TRHDE: variants seen among roughly 807,000 people sequenced by gnomAD.
TRHDE encodes the protein thyrotropin releasing hormone degrading enzyme, also known as thyrotropin-releasing hormone-degrading ectoenzyme.
A neutral mutation model predicts 125.7 loss-of-function variants in TRHDE; 72 were observed. The observed-to-expected ratio is 0.57, with a 90% CI of 0.47 to 0.70. TRHDE has a LOEUF of 0.70. Among genes scored for constraint, TRHDE ranks in the 30% least tolerant of loss-of-function variants. TRHDE has a pLI of 0.00. For missense variants in TRHDE, 1,110 were observed against 1,327.1 expected (o/e 0.84, Z 2.54); for synonymous variants, 509 against 509.1 (o/e 1.00, Z 0.00).
chr12:72,413,175 G>A lies in TRHDE; in HGVS notation c.1315+35054G>A, dbSNP rs11179191. 7.1e-4 allele frequency among the ~76,000 whole-genome samples: 108 copies of A among 152,086 alleles called. 1 individual carries two copies. The East Asian group carries it at 0.02, about 28-fold the overall frequency. ...CAAAAACAAATCCACATAAGTGTCA[G>A]TGTTACTTTGCTACCCAGGCAATTC... On this transcript the variant is annotated intron_variant, in intron 3 of 18. Coordinates refer to ENST00000261180, the MANE Select transcript of TRHDE (RefSeq NM_013381.3).
rs1878472014 is a variant in TRHDE at position 72,509,001 on chromosome 12, C to T, written c.1722+9366C>T. On this transcript the variant is annotated intron_variant, in intron 6 of 18. Transcript: ENST00000261180. ...CTCCACAGCCATGCTTCCTGTACAGCCTATGGAACTGTGAGCCAATTAAAC... is the reference window on the plus strand; with the variant it reads ...CTCCACAGCCATGCTTCCTGTACAGTCTATGGAACTGTGAGCCAATTAAAC... 2.0e-5 allele frequency among the ~76,000 whole-genome samples: 3 copies of T among 152,078 alleles called. No individual in the cohort carries two copies. The South Asian group carries it at 6.2e-4, about 32-fold the overall frequency.
At chr12:72,627,476 ATGGTATGGGCACT>A (rs1873308777) in intron 15 of TRHDE, among the ~76,000 whole-genome samples, 1 of 151,860 alleles carries the variant, frequency 6.6e-6, no homozygotes, top group Non-Finnish European at 1.5e-5. Context: ...AAAGAAGAAA[ATGGTATGGGCACT>A]TCTGGCATTC....
intron 2 of TRHDE, among the ~76,000 whole-genome samples, chr12:72,173,792 C>A (rs1022228582): frequency 4.6e-5 from 7 of 152,182 alleles, no homozygotes; most frequent in Non-Finnish European, 7.3e-5. Context: ...CGCGCGCACA[C>A]ACACACACAC....
At chr12:72,217,944 G>T (rs1877926782) in intron 2 of TRHDE, among the ~76,000 whole-genome samples, 1 of 151,950 alleles carries the variant, frequency 6.6e-6, no homozygotes, top group African/African-American at 2.4e-5. Flanking sequence ...AAAATTTTTT[G>T]TCTATAACAA....
At chr12:72,373,252 CTT>C (rs750655413) in intron 2 of TRHDE, among the ~76,000 whole-genome samples, 1 of 152,154 alleles carries the variant, frequency 6.6e-6, no homozygotes, top group Non-Finnish European at 1.5e-5. Context: ...TATCCTGAGA[CTT>C]TGCTGAAGTT....
At chr12:72,380,864 T>TTC (rs1872139734) in intron 3 of TRHDE, among the ~76,000 whole-genome samples, 17 of 147,500 alleles carry the variant, frequency 1.2e-4, no homozygotes, top group African/African-American at 4.3e-4. Context: ...TCTCTCTTTC[T>TTC]CTCTCTCTCT....
intron 2 of TRHDE, among the ~76,000 whole-genome samples, chr12:72,304,948 G>A (rs1451574270): frequency 1.3e-5 from 2 of 152,078 alleles, no homozygotes; most frequent in Non-Finnish European, 2.9e-5. Context: ...AGCAGAAATT[G>A]GTCTTAATGT....
At chr12:72,464,447 G>A (rs1876273561) in intron 3 of TRHDE, among the ~76,000 whole-genome samples, 1 of 152,042 alleles carries the variant, frequency 6.6e-6, no homozygotes, top group African/African-American at 2.4e-5. Context: ...TTCTCCGGAG[G>A]GGATGAATGT....
At chr12:72,396,647 G>T (rs1872802302) in intron 3 of TRHDE, among the ~76,000 whole-genome samples, 1 of 152,154 alleles carries the variant, frequency 6.6e-6, no homozygotes, top group Non-Finnish European at 1.5e-5. Flanking sequence ...GGGAGGCTGA[G>T]GTGGGAGAAT....
chr12:72,348,250 T>C lies in TRHDE; in HGVS notation c.1189-29745T>C, dbSNP rs564079829. 9.9e-5 allele frequency among the ~76,000 whole-genome samples: 15 copies of C among 152,092 alleles called. No individual in the cohort carries two copies. The South Asian group carries it at 3.1e-3, about 32-fold the overall frequency. ...TTACTCTCTTAGCAATTTTTAAATA[T>C]GTTTCTGTCAGTCATCTTGGATGTT... On this transcript the variant is annotated intron_variant, in intron 2 of 18. Transcript: ENST00000261180.
At chr12:72,268,301 A>G (rs1425207269), upstream of TRHDE, among the ~76,000 whole-genome samples, 3 of 152,122 alleles carry the variant, frequency 2.0e-5, no homozygotes, top group African/African-American at 7.2e-5. Flanking sequence ...GTGCTTTTAT[A>G]AAATTTACCC....
In TRHDE at chr12:72,615,665, G is replaced by T. The variant is rs1353568736; in HGVS notation, c.2322-3226G>T. ...TACATATGTTGGTATCACAGCAGAA[G>T]GAGGGCAATTTGAGTATAATCTGTT... is the stretch of plus-strand genomic sequence containing the variant. On this transcript the variant is annotated intron_variant, in intron 12 of 18. Coordinates refer to ENST00000261180, the MANE Select transcript of TRHDE (RefSeq NM_013381.3). Among the ~76,000 whole-genome samples, 3 of 152,080 alleles carry T rather than the reference G, an allele frequency of 2.0e-5. No individual in the cohort carries two copies. In the East Asian group the frequency reaches 5.8e-4, roughly 29 times the overall value.
chr12:72,107,080 G>A (rs56118351), intron 2 of TRHDE, among the ~76,000 whole-genome samples: 2,905 of 151,968 alleles, frequency 0.019, 37 homozygotes, highest in Non-Finnish European at 0.028. Context: ...CATATTCTAA[G>A]TTTTATCTAA....
intron 2 of TRHDE, among the ~76,000 whole-genome samples, chr12:72,181,946 A>C (rs1877104024): frequency 6.6e-6 from 1 of 152,236 alleles, no homozygotes; most frequent in Non-Finnish European, 1.5e-5. Context: ...CATGATTTTC[A>C]GAAACACATT....
intron 2 of TRHDE, among the ~76,000 whole-genome samples, chr12:72,185,065 C>T (rs1877174387): frequency 6.6e-6 from 1 of 152,108 alleles, no homozygotes; most frequent in African/African-American, 2.4e-5. Flanking sequence ...GGAACCGGGG[C>T]TGCCTGCGGC....
intron 6 of TRHDE, among the ~76,000 whole-genome samples, chr12:72,521,528 G>A (rs78697325): frequency 0.028 from 4,294 of 152,236 alleles, 100 homozygotes; most frequent in Non-Finnish European, 0.046. Flanking sequence ...AACTTGTGTC[G>A]TTTAGTTGTG....
At chr12:72,621,354 A>G (rs1337737046) in intron 14 of TRHDE, 149 bp downstream of exon 14, 2 of 621,416 alleles carry the variant, frequency 3.2e-6, no homozygotes, top group African/African-American at 1.9e-5. Context: ...GCTGCTGGGT[A>G]GCACAGTTTC....
At chr12:72,659,036 C>A (rs2136115118) in intron 18 of TRHDE, among the ~76,000 whole-genome samples, 1 of 152,258 alleles carries the variant, frequency 6.6e-6, no homozygotes, top group South Asian at 2.1e-4. Context: ...AAGCAGAAAG[C>A]CCAATGGGCT....
At chr12:72,513,780 G>A (rs955502429) in intron 6 of TRHDE, among the ~76,000 whole-genome samples, 1 of 151,834 alleles carries the variant, frequency 6.6e-6, no homozygotes, top group African/African-American at 2.4e-5. Context: ...GATTTTTAAG[G>A]TTTCACAGAG....
Sources: allele counts gnomAD v4.1 joint callset (sites outside exome capture counted in the v4.1 genomes callset), GRCh38; gene constraint gnomAD v4.1.1; transcripts MANE v1.5; gene names NCBI Gene and HGNC (gene_info 2026-07-23, HGNC 2026-07-21).